Variants in TSHR observed in about 807,000 individuals in gnomAD.
TSHR encodes the protein thyrotropin receptor.
Under a neutral mutation model 64.1 loss-of-function variants are expected in TSHR, and 51 were observed. The observed-to-expected ratio is 0.80, with a 90% confidence interval of 0.64 to 1.01. The LOEUF is 1.01. Ranked by LOEUF, TSHR falls within the 50% of genes least tolerant of loss-of-function variation. The probability of loss-of-function intolerance (pLI) is 0.00; values close to 1 mark genes in which losing one functional copy is unlikely to be tolerated. For missense variants in TSHR, 877 were observed against 942.8 expected (o/e 0.93, Z 0.91); for synonymous variants, 361 against 361.9 (o/e 1.00, Z 0.03).
At chr14:80,965,495 A>G (rs931654041) in intron 1 of TSHR, among the ~76,000 whole-genome samples, 1 of 152,166 alleles carries the variant, frequency 6.6e-6, no homozygotes, top group African/African-American at 2.4e-5. Context: ...CCACTTTTTC[A>G]AGTCAATAGT....
At chr14:81,034,939 A>G (rs1297483129) in intron 1 of TSHR, among the ~76,000 whole-genome samples, 1 of 152,230 alleles carries the variant, frequency 6.6e-6, no homozygotes, top group African/African-American at 2.4e-5. Flanking sequence ...AGTTTAAAAA[A>G]TAAAAATGTT....
At chr14:80,995,709 G>GA (rs35311510) in intron 1 of TSHR, 30,330 of 151,804 alleles carry the variant, frequency 0.2, 3,589 homozygotes, top group Admixed American at 0.28. Flanking sequence ...AGAGGATTAG[G>GA]AAAAACGACT....
At chr14:80,984,469 T>C (rs932055672) in intron 1 of TSHR, among the ~76,000 whole-genome samples, 2 of 152,190 alleles carry the variant, frequency 1.3e-5, no homozygotes, top group African/African-American at 2.4e-5. Context: ...TTAGAACTCA[T>C]TAGTCTGGGT....
intron 1 of TSHR, among the ~76,000 whole-genome samples, chr14:81,016,232 A>G (rs1890178234): frequency 6.6e-6 from 1 of 152,132 alleles, no homozygotes; most frequent in Non-Finnish European, 1.5e-5. Flanking sequence ...CCAATTTGCA[A>G]TCCTACCAAC....
intron 1 of TSHR, among the ~76,000 whole-genome samples, chr14:80,969,674 T>C (rs1328350804): frequency 6.6e-6 from 1 of 152,188 alleles, no homozygotes; most frequent in African/African-American, 2.4e-5. Context: ...GACCACTTCA[T>C]TCATGTTCAT....
At chr14:81,117,165 C>G (rs1417293372) in intron 8 of TSHR, among the ~76,000 whole-genome samples, 2 of 79,934 alleles carry the variant, frequency 2.5e-5, no homozygotes, top group Non-Finnish European at 4.4e-5. Flanking sequence ...TAGCAGAAGG[C>G]AAGAAATAAC....
intron 1 of TSHR, among the ~76,000 whole-genome samples, chr14:80,963,435 G>A (rs1887140293): frequency 6.6e-6 from 1 of 152,064 alleles, no homozygotes; most frequent in Non-Finnish European, 1.5e-5. Context: ...ATCACATGGT[G>A]CATGGCTGAG....
At chr14:80,982,403 A>G (rs1172328240) in intron 1 of TSHR, 1 of 1,242,904 alleles carries the variant, frequency 8.0e-7, no homozygotes, top group East Asian at 2.6e-5. Context: ...AAGAATGATA[A>G]ACCTGAAATT....
chr14:81,008,130 G>A (rs767130706), intron 1 of TSHR, among the ~76,000 whole-genome samples: 8 of 151,460 alleles, frequency 5.3e-5, no homozygotes, highest in Non-Finnish European at 1.2e-4. Context: ...GTTGATTGCT[G>A]ATCAGTTACT....
At chr14:81,113,118 A>C (rs1355611126) in intron 8 of TSHR, among the ~76,000 whole-genome samples, 1 of 152,200 alleles carries the variant, frequency 6.6e-6, no homozygotes, top group Non-Finnish European at 1.5e-5. Flanking sequence ...CCAAGTATGG[A>C]AGCAAGAAGA....
chr14:81,091,798 G>T (rs1293940278), intron 5 of TSHR, among the ~76,000 whole-genome samples: 1 of 152,236 alleles, frequency 6.6e-6, no homozygotes, highest in Non-Finnish European at 1.5e-5. Context: ...AGTCAGAAGT[G>T]GTACTCAAAT....
intron 1 of TSHR, among the ~76,000 whole-genome samples, chr14:81,034,463 A>G (rs2139828838): frequency 6.6e-6 from 1 of 152,336 alleles, no homozygotes; most frequent in South Asian, 2.1e-4. Context: ...CTCATTTTTT[A>G]AAACTGTGAA....
intron 7 of TSHR, chr14:81,106,953 A>AAT (rs1239020500): frequency 1.1e-4 from 16 of 152,142 alleles, no homozygotes; most frequent in Non-Finnish European, 1.9e-4. Context: ...AAAAAAAAAA[A>AAT]AAGAAGAAGA....
chr14:81,106,303 A>G lies in TSHR; in HGVS notation c.615-2072A>G, dbSNP rs570914903. ...AGTTGGTCAAATGCCACCACACCATAAGCCAAGTCTTCTATTTTTTCACTC... is the reference window on the plus strand; with the variant it reads ...AGTTGGTCAAATGCCACCACACCATGAGCCAAGTCTTCTATTTTTTCACTC... On this transcript the variant is annotated intron_variant, in intron 7 of 9. Coordinates refer to ENST00000298171, the MANE Select transcript of TSHR (RefSeq NM_000369.5). Among the ~76,000 whole-genome samples the G allele has an allele frequency of 2.6e-5, 4 of 152,290 alleles. No individual in the cohort carries two copies. The East Asian group carries it at 7.7e-4, about 29-fold the overall frequency.
chr14:80,993,769 C>T (rs556998270), intron 1 of TSHR: 9 of 151,914 alleles, frequency 5.9e-5, no homozygotes, highest in African/African-American at 2.2e-4. Flanking sequence ...ATTTTAGGCC[C>T]TTCTGAGTCT....
chr14:81,033,320 C>T (rs541667580), intron 1 of TSHR: 25 of 368,348 alleles, frequency 6.8e-5, no homozygotes, highest in African/African-American at 1.5e-4. Context: ...GAAGACACTC[C>T]GAGAGTGAAG....
At chr14:81,114,116 C>G (rs1305190978) in intron 8 of TSHR, among the ~76,000 whole-genome samples, 1 of 136,294 alleles carries the variant, frequency 7.3e-6, no homozygotes, top group Non-Finnish European at 1.6e-5. Flanking sequence ...AGGAAGCTGA[C>G]AGGCCCAAGG....
Position 81,144,275 on chromosome 14 carries a change from T to C in TSHR, c.2217T>C (p.Tyr739=), listed in dbSNP as rs771886821. 10 of 1,614,166 alleles carry C rather than the reference T, an allele frequency of 6.2e-6. No homozygotes were observed. The highest frequency in any genetic ancestry group is 1.1e-5 in the South Asian group (1 of 91,076). Residue 739 remains tyrosine (Y), a synonymous_variant, in exon 10 of 10, where the codon TAT becomes TAC. Transcript: ENST00000298171. Reference sequence around the variant, plus strand: ...GTCTCCACAACATGGAAGATGTCTATGAACTGATTGAAAACTCCCATCTAA... The same window carrying C: ...GTCTCCACAACATGGAAGATGTCTACGAACTGATTGAAAACTCCCATCTAA... ...RQGLHNMEDV[Y]ELIENSHLTP...
chr14:80,975,362 T>C (rs1365237435), intron 1 of TSHR, among the ~76,000 whole-genome samples: 1 of 152,222 alleles, frequency 6.6e-6, no homozygotes, highest in East Asian at 1.9e-4. Context: ...CCTACATCCA[T>C]GTTCTTTTGG....
Sources: gnomAD v4.1 joint callset for allele counts (sites outside exome capture counted in the v4.1 genomes callset) on GRCh38, gnomAD v4.1.1 for gene constraint, MANE v1.5 for transcripts, NCBI Gene and HGNC (gene_info 2026-07-23, HGNC 2026-07-21) for gene names.